The following SPTBN1 variants were observed in gnomAD, a reference collection of about 807,000 sequenced individuals.
SPTBN1 encodes the protein spectrin beta chain, non-erythrocytic 1.
In SPTBN1, 32 loss-of-function variants were observed where a neutral mutation model predicts 266.4. The ratio of observed to expected loss-of-function variants is 0.12; its 90% CI spans 0.09 to 0.16. SPTBN1 has a LOEUF of 0.16. SPTBN1 is among the 10% of genes least tolerant of loss of function. SPTBN1 has a pLI of 1.00. For synonymous variants in SPTBN1, 1,336 were observed against 1,162.2 expected, an observed-to-expected ratio of 1.15 and a Z score of -3.04; for missense variants, 2,296 against 3,067.1, an observed-to-expected ratio of 0.75 and a Z score of 5.94.
At chr2:54,622,929 A>T (rs1311612971) in intron 9 of SPTBN1, among the ~76,000 whole-genome samples, 1 of 152,266 alleles carries the variant, frequency 6.6e-6, no homozygotes, top group East Asian at 1.9e-4. Context: ...ATAAAGAAAG[A>T]TAATAGATAA....
At chr2:54,458,657 A>T (rs934755703) in intron 1 of SPTBN1, among the ~76,000 whole-genome samples, 4 of 152,178 alleles carry the variant, frequency 2.6e-5, no homozygotes, top group African/African-American at 9.7e-5. Context: ...CAGTGTTCTC[A>T]TGTTTAGTCT....
At chr2:54,457,642 C>T in intron 1 of SPTBN1, among the ~76,000 whole-genome samples, 1 of 152,214 alleles carries the variant, frequency 6.6e-6, no homozygotes, top group East Asian at 1.9e-4. Flanking sequence ...ATCGCAGCTT[C>T]CTTGGTTCTC....
intron 1 of SPTBN1, among the ~76,000 whole-genome samples, chr2:54,492,100 T>A (rs1446342160): frequency 6.6e-6 from 1 of 152,200 alleles, no homozygotes; most frequent in African/African-American, 2.4e-5. Flanking sequence ...AACTTCTGAA[T>A]ATGAGAGTAA....
At chr2:54,467,509 C>A (rs1204038457) in intron 1 of SPTBN1, among the ~76,000 whole-genome samples, 1 of 152,108 alleles carries the variant, frequency 6.6e-6, no homozygotes, top group Non-Finnish European at 1.5e-5. Context: ...ATTCTCCTGC[C>A]TCAGCCTCCC....
Position 54,626,174 on chromosome 2 carries a change from G to A in SPTBN1, c.1584G>A (p.Leu528=). Reference sequence around the variant, plus strand: ...GGAGACAGCGGCTCGAGATGAACCTGGGGCTGCAGAAGATATTCCAGGAAA... The same window carrying A: ...GGAGACAGCGGCTCGAGATGAACCTAGGGCTGCAGAAGATATTCCAGGAAA... The part of the protein sequence containing the change: ...RARRQRLEMN[L]GLQKIFQEML... Residue 528 remains leucine, a synonymous_variant, in exon 12 of 36, where the codon CTG becomes CTA. Coordinates refer to ENST00000356805, the MANE Select transcript of SPTBN1 (RefSeq NM_003128.3). This position sits in a 1 kb window ranked among gnomAD's most constrained non-coding sequence, Gnocchi z 4.7. The A allele has an allele frequency of 6.2e-7, 1 of 1,614,184 alleles. No homozygotes were observed. The highest frequency in any genetic ancestry group is 8.5e-7 in the Non-Finnish European group (1 of 1,180,042).
At position 54,668,653 on chromosome 2, in the gene SPTBN1, T is replaced by A; in HGVS notation, c.*84T>A. On this transcript the variant is annotated 3_prime_UTR_variant, in exon 36 of 36. Transcript: ENST00000356805. ...AGCTCAGAACCAACACATTACTCTC[T>A]GTGCCTAATGTTCCTCAATGTGGTT... 8.5e-7 allele frequency: 1 copy of A among 1,173,216 alleles called. No individual in the cohort carries two copies. The highest frequency in any genetic ancestry group is 1.2e-6 in the Non-Finnish European group (1 of 855,244). 72.7% of individuals were successfully genotyped at this position (1,173,216 alleles called of 1,614,324 possible). A position where few individuals can be genotyped will look rare whatever the true frequency, so the allele number is the denominator to read the frequency against.
chr2:54,522,055 AGCTG>A (rs1261727758), intron 1 of SPTBN1, among the ~76,000 whole-genome samples: 1 of 150,052 alleles, frequency 6.7e-6, no homozygotes, highest in Non-Finnish European at 1.5e-5. Flanking sequence ...ATGCCACCAC[AGCTG>A]GCTATTTTTT....
Position 54,649,274 on chromosome 2 carries a change from A to T in SPTBN1, c.5202+84A>T. 7.0e-7 allele frequency: 1 copy of T among 1,418,666 alleles called. No homozygotes were observed. Among genetic ancestry groups the T allele is most frequent in the Non-Finnish European group, 9.6e-7 (1 of 1,045,908 alleles). The allele number at this position is 1,418,666 out of a possible 1,614,324, so 87.9% of individuals were successfully genotyped here. On this transcript the variant is annotated intron_variant, in intron 25 of 35. Coordinates refer to ENST00000356805, the MANE Select transcript of SPTBN1 (RefSeq NM_003128.3). The surrounding 1 kb of genome is among the most constrained non-coding windows in gnomAD (Gnocchi z 6.7). ...ATTTGCATTCCTTGTCTGTGAGCAG[A>T]TAAAATGCCCTGGACTCCAATCAGA...
At chr2:54,557,259 G>T (rs1051929996) in intron 2 of SPTBN1, among the ~76,000 whole-genome samples, 1 of 152,084 alleles carries the variant, frequency 6.6e-6, no homozygotes, top group Non-Finnish European at 1.5e-5. Flanking sequence ...CTGGGGTGGG[G>T]GACCACGTCT....
chr2:54,662,855 G>A (rs1681142376), intron 32 of SPTBN1: 1 of 152,168 alleles, frequency 6.6e-6, no homozygotes, highest in Non-Finnish European at 1.5e-5. Context: ...CACTTGCAAG[G>A]CCTTGGTGAT....
intron 1 of SPTBN1, 71 bp downstream of exon 1, chr2:54,456,589 CGGACGGGCGGGA>C (rs1693042420): frequency 6.6e-6 from 1 of 151,518 alleles, no homozygotes; most frequent in South Asian, 2.1e-4. Context: ...TCCGCGGCGG[CGGACGGGCGGGA>C]GGAGGGGCGC....
intron 2 of SPTBN1, among the ~76,000 whole-genome samples, chr2:54,569,998 G>A (rs1573437125): frequency 1.4e-5 from 2 of 142,924 alleles, no homozygotes; most frequent in African/African-American, 5.0e-5. Flanking sequence ...AAGATTAGAA[G>A]GTTCAGTCAC....
At chr2:54,510,990 G>A (rs1017983016) in intron 1 of SPTBN1, among the ~76,000 whole-genome samples, 1 of 152,230 alleles carries the variant, frequency 6.6e-6, no homozygotes, top group African/African-American at 2.4e-5. Flanking sequence ...GCATTATCCT[G>A]TGACTTTCTG....
At chr2:54,551,280 G>T (rs2104432474) in intron 2 of SPTBN1, among the ~76,000 whole-genome samples, 1 of 152,312 alleles carries the variant, frequency 6.6e-6, no homozygotes, top group African/African-American at 2.4e-5. Context: ...GGCAAGAGCA[G>T]GCCTGGCCTC....
At chr2:54,566,866 G>A (rs1226087145) in intron 2 of SPTBN1, among the ~76,000 whole-genome samples, 4 of 152,040 alleles carry the variant, frequency 2.6e-5, no homozygotes, top group East Asian at 3.9e-4. Context: ...AAATCATTTT[G>A]TTGGTGCAGA....
chr2:54,475,065 G>C (rs935820087), intron 1 of SPTBN1, among the ~76,000 whole-genome samples: 2 of 152,052 alleles, frequency 1.3e-5, no homozygotes, highest in African/African-American at 4.8e-5. Context: ...AATTAGCCGG[G>C]CGTGGTGGCA....
chr2:54,561,908 G>GT (rs1673335066), intron 2 of SPTBN1, among the ~76,000 whole-genome samples: 1 of 150,490 alleles, frequency 6.6e-6, no homozygotes, highest in Non-Finnish European at 1.5e-5. Context: ...AGATACAAGA[G>GT]TGATGGCTTT....
At chr2:54,522,652 G>GAA (rs1553439342) in intron 1 of SPTBN1, among the ~76,000 whole-genome samples, 4 of 80,318 alleles carry the variant, frequency 5.0e-5, no homozygotes, top group Non-Finnish European at 7.6e-5. Context: ...AAGAAAGAGA[G>GAA]AGAGAAAGAG....
At chr2:54,474,214 G>A (rs1483685109) in intron 1 of SPTBN1, among the ~76,000 whole-genome samples, 1 of 152,204 alleles carries the variant, frequency 6.6e-6, no homozygotes, top group African/African-American at 2.4e-5. Context: ...TGTCTGAATA[G>A]GCTTAGATAA....
Sources: gnomAD v4.1 joint callset for allele counts (sites outside exome capture counted in the v4.1 genomes callset) on GRCh38, gnomAD v4.1.1 for gene constraint, Gnocchi (gnomAD v3.1) non-coding constraint, MANE v1.5 for transcripts, NCBI Gene and HGNC (gene_info 2026-07-23, HGNC 2026-07-21) for gene names.